Variants in QTMAN observed in about 807,000 individuals in gnomAD.
QTMAN encodes the protein tRNA-queuosine alpha-mannosyltransferase.
At chr2:144,231,691 G>A in the QTMAN span, among the ~76,000 whole-genome samples, 1 of 151,944 alleles carries the variant, frequency 6.6e-6, no homozygotes, top group Non-Finnish European at 1.5e-5. Flanking sequence ...AATTCACATT[G>A]TCCTAAATCA....
chr2:144,039,770 G>A, the QTMAN span, among the ~76,000 whole-genome samples: 10 of 152,264 alleles, frequency 6.6e-5, no homozygotes, highest in Non-Finnish European at 1.5e-4. Context: ...AACAGTGAAA[G>A]CTGTACCATC....
chr2:144,081,245 G>T, the QTMAN span, among the ~76,000 whole-genome samples: 5 of 152,208 alleles, frequency 3.3e-5, no homozygotes, highest in African/African-American at 1.2e-4. Context: ...GTTGTCCTGA[G>T]GGTTAAGATA....
At chr2:144,078,421 C>G in the QTMAN span, among the ~76,000 whole-genome samples, 1 of 152,320 alleles carries the variant, frequency 6.6e-6, no homozygotes, top group East Asian at 1.9e-4. Flanking sequence ...CACAAACAGA[C>G]TTGCTTTTAG....
the QTMAN span, chr2:144,007,263 TTTTG>T: frequency 6.2e-7 from 1 of 1,613,264 alleles, no homozygotes. Context: ...AACAGTCAGA[TTTTG>T]TTTATTTTCA....
chr2:144,046,316 G>T, the QTMAN span, among the ~76,000 whole-genome samples: 1 of 152,204 alleles, frequency 6.6e-6, no homozygotes, highest in Non-Finnish European at 1.5e-5. Context: ...AATAGTAAAG[G>T]TTAATAAACT....
At chr2:144,148,344 C>T in the QTMAN span, among the ~76,000 whole-genome samples, 1 of 151,690 alleles carries the variant, frequency 6.6e-6, no homozygotes, top group Non-Finnish European at 1.5e-5. Context: ...AACACATTAA[C>T]AGTTGATTAA....
the QTMAN span, among the ~76,000 whole-genome samples, chr2:144,232,587 A>T: frequency 6.6e-6 from 1 of 152,190 alleles, no homozygotes; most frequent in African/African-American, 2.4e-5. Context: ...AATTTTTAAA[A>T]TAAAGATCAG....
At chr2:144,215,939 A>G in the QTMAN span, among the ~76,000 whole-genome samples, 1 of 152,184 alleles carries the variant, frequency 6.6e-6, no homozygotes, top group African/African-American at 2.4e-5. Flanking sequence ...AAATCACCTA[A>G]GGGTAAAATC....
chr2:144,189,721 G>A, the QTMAN span, among the ~76,000 whole-genome samples: 3 of 152,056 alleles, frequency 2.0e-5, no homozygotes, highest in East Asian at 5.8e-4. Flanking sequence ...CCGGGTTCAA[G>A]CAATTCTCCC....
the QTMAN span, chr2:144,145,879 C>T: frequency 2.1e-6 from 1 of 472,210 alleles, no homozygotes; most frequent in East Asian, 3.5e-5. Context: ...AGGCTTAATA[C>T]CATGTAGCAG....
At chr2:144,172,385 C>G in the QTMAN span, among the ~76,000 whole-genome samples, 1 of 152,024 alleles carries the variant, frequency 6.6e-6, no homozygotes, top group South Asian at 2.1e-4. Context: ...CTTTGGGAGG[C>G]TGAGATGGGC....
the QTMAN span, among the ~76,000 whole-genome samples, chr2:144,124,694 T>C: frequency 6.6e-6 from 1 of 152,124 alleles, no homozygotes; most frequent in African/African-American, 2.4e-5. Flanking sequence ...AGTTCTCACC[T>C]TGATTTAGTA....
chr2:144,315,794 T>A, the QTMAN span, among the ~76,000 whole-genome samples: 1 of 152,186 alleles, frequency 6.6e-6, no homozygotes, highest in Non-Finnish European at 1.5e-5. Context: ...CTCTAACATT[T>A]TGAGTTCATG....
At chr2:144,133,153 T>TATAA in the QTMAN span, among the ~76,000 whole-genome samples, 2 of 41,652 alleles carry the variant, frequency 4.8e-5, no homozygotes, top group African/African-American at 2.5e-4. Context: ...ATATATATAA[T>TATAA]ATAATATAAT....
chr2:144,125,200 G>A, the QTMAN span, among the ~76,000 whole-genome samples: 2 of 151,710 alleles, frequency 1.3e-5, no homozygotes, highest in African/African-American at 4.8e-5. Context: ...TATCATCCCC[G>A]AGTTAGTATG....
At chr2:144,171,098 G>A in the QTMAN span, among the ~76,000 whole-genome samples, 1 of 152,180 alleles carries the variant, frequency 6.6e-6, no homozygotes, top group African/African-American at 2.4e-5. Flanking sequence ...TCTTGAAAGT[G>A]AAGATAATCA....
At chr2:144,172,775 A>T in the QTMAN span, among the ~76,000 whole-genome samples, 1 of 152,082 alleles carries the variant, frequency 6.6e-6, no homozygotes, top group Non-Finnish European at 1.5e-5. Context: ...AATTGCCACC[A>T]CCTACTAGTA....
the QTMAN span, among the ~76,000 whole-genome samples, chr2:144,297,542 C>T: frequency 6.6e-6 from 1 of 150,808 alleles, no homozygotes; most frequent in East Asian, 1.9e-4. Context: ...GTGTCTCATG[C>T]CTGTAATCCC....
At chr2:144,081,941 G>A in the QTMAN span, among the ~76,000 whole-genome samples, 1 of 152,070 alleles carries the variant, frequency 6.6e-6, no homozygotes, top group Non-Finnish European at 1.5e-5. Context: ...AGGCTAAAGT[G>A]CAGTGGCACA....
Sources: allele counts gnomAD v4.1 joint callset (sites outside exome capture counted in the v4.1 genomes callset), GRCh38; gene constraint gnomAD v4.1.1; transcripts MANE v1.5; gene names NCBI Gene and HGNC (gene_info 2026-07-23, HGNC 2026-07-21).